ANKRD17: variants seen among roughly 807,000 people sequenced by gnomAD.
The protein encoded by ANKRD17 is ankyrin repeat domain 17, also known as ankyrin repeat domain-containing protein 17.
ANKRD17 carries 19 observed loss-of-function variants against 229.7 expected under a neutral mutation model. The observed-to-expected ratio is 0.08, with a 90% CI of 0.06 to 0.12. ANKRD17 has a LOEUF of 0.12. Ranked by LOEUF, ANKRD17 falls within the 10% of genes least tolerant of loss-of-function variation. The pLI is 1.00. For synonymous variants in ANKRD17, 1,112 were observed against 1,146.1 expected, an observed-to-expected ratio of 0.97 and a Z score of 0.60; for missense variants, 2,176 against 3,176.8, an observed-to-expected ratio of 0.68 and a Z score of 7.57.
At chr4:73,165,486 A>C (rs529645859) in intron 2 of ANKRD17, among the ~76,000 whole-genome samples, 1 of 152,280 alleles carries the variant, frequency 6.6e-6, no homozygotes, top group South Asian at 2.1e-4. Context: ...CCACTGTCAG[A>C]ATTATGGTAG....
intron 2 of ANKRD17, among the ~76,000 whole-genome samples, chr4:73,167,693 A>G (rs1401401415): frequency 6.6e-6 from 1 of 152,180 alleles, no homozygotes; most frequent in Non-Finnish European, 1.5e-5. Context: ...GGAAAATGCT[A>G]AATTAGGTCT....
chr4:73,212,117 T>C (rs1740352330), intron 1 of ANKRD17, among the ~76,000 whole-genome samples: 1 of 152,042 alleles, frequency 6.6e-6, no homozygotes, highest in African/African-American at 2.4e-5. Flanking sequence ...CTAAACACAC[T>C]CCCAAGGTGT....
intron 7 of ANKRD17, among the ~76,000 whole-genome samples, 178 bp downstream of exon 7, chr4:73,151,252 C>T (rs1730969530): frequency 6.6e-6 from 1 of 152,118 alleles, no homozygotes; most frequent in Non-Finnish European, 1.5e-5. Flanking sequence ...TAAGAAAATG[C>T]AGGTAGCATT....
intron 1 of ANKRD17, among the ~76,000 whole-genome samples, chr4:73,201,485 AG>A (rs1264763531): frequency 8.5e-5 from 13 of 152,090 alleles, no homozygotes; most frequent in Non-Finnish European, 1.6e-4. Flanking sequence ...ACAGTGCGTG[AG>A]GAAAAAAAGC....
chr4:73,192,706 T>C (rs1385203626), intron 1 of ANKRD17, among the ~76,000 whole-genome samples: 3 of 152,252 alleles, frequency 2.0e-5, no homozygotes, highest in South Asian at 2.1e-4. Context: ...TCATAACAAT[T>C]TGTATTGTCT....
At chr4:73,112,985 G>A (rs1016004178) in intron 24 of ANKRD17, 10 of 634,768 alleles carry the variant, frequency 1.6e-5, no homozygotes, top group Non-Finnish European at 2.1e-5. Context: ...ACGGTGTTTT[G>A]CCATGTTGGC....
At chr4:73,086,859 C>A (rs1254203569) in intron 29 of ANKRD17, among the ~76,000 whole-genome samples, 1 of 126,632 alleles carries the variant, frequency 7.9e-6, no homozygotes, top group South Asian at 2.6e-4. Flanking sequence ...GATTGTGCCA[C>A]TGCACTCCAG....
intron 2 of ANKRD17, among the ~76,000 whole-genome samples, chr4:73,174,798 A>G (rs989710109): frequency 6.6e-6 from 1 of 152,236 alleles, no homozygotes; most frequent in African/African-American, 2.4e-5. Flanking sequence ...TGAAAAACAA[A>G]TCAAGAAACT....
chr4:73,090,682 C>T lies in ANKRD17; in HGVS notation c.6946G>A (p.Ala2316Thr). ...ATAAACTCACCTGAGGGACTTGGAG[C>T]AGGTCTCTGTAATGGTGGTCTAAAA... The part of the protein sequence containing the change: ...PGFRPPLQRP[A>T]PSPSGIVNMD... Residue 2316 changes from alanine to threonine, a missense_variant, in exon 29 of 34, where the codon GCT (alanine) becomes ACT (threonine). Ala to Thr is a moderately conservative substitution (Grantham distance 58, BLOSUM62 0). Coordinates refer to ENST00000358602, the MANE Select transcript of ANKRD17 (RefSeq NM_032217.5). 6.2e-7 allele frequency: 1 copy of T among 1,614,140 alleles called. No homozygotes were observed.
At chr4:73,216,744 C>T (rs978176959) in intron 1 of ANKRD17, among the ~76,000 whole-genome samples, 6 of 152,184 alleles carry the variant, frequency 3.9e-5, no homozygotes, top group African/African-American at 1.4e-4. Flanking sequence ...GTGCCAATTA[C>T]TGTTGCCACC....
intron 2 of ANKRD17, among the ~76,000 whole-genome samples, chr4:73,170,794 G>C (rs1388154934): frequency 6.6e-6 from 1 of 152,142 alleles, no homozygotes; most frequent in African/African-American, 2.4e-5. Context: ...CTTACCTGTG[G>C]AAAGAGGAAG....
intron 1 of ANKRD17, among the ~76,000 whole-genome samples, chr4:73,209,353 A>C (rs1227910622): frequency 6.6e-6 from 1 of 152,260 alleles, no homozygotes; most frequent in Non-Finnish European, 1.5e-5. Flanking sequence ...GTCATTATCT[A>C]AACAGTATAG....
intron 1 of ANKRD17, among the ~76,000 whole-genome samples, chr4:73,214,786 G>A (rs1284299914): frequency 6.8e-6 from 1 of 147,756 alleles, no homozygotes; most frequent in Non-Finnish European, 1.5e-5. Flanking sequence ...CCTAAAACAG[G>A]ACTGCTTGAA....
At chr4:73,149,457 G>A (rs1164779839) in intron 7 of ANKRD17, among the ~76,000 whole-genome samples, 1 of 152,140 alleles carries the variant, frequency 6.6e-6, no homozygotes, top group Admixed American at 6.6e-5. Flanking sequence ...CTTTTGATTA[G>A]TTAGAAAAAA....
Position 73,091,063 on chromosome 4 carries a change from G to A in ANKRD17, c.6565C>T (p.His2189Tyr). The A allele has an allele frequency of 6.2e-7, 1 of 1,614,254 alleles. No individual in the cohort carries two copies. Among genetic ancestry groups the A allele is most frequent in the East Asian group, 2.2e-5 (1 of 44,892 alleles). ...RPPPHGTTAP[H>Y]KNSASVQNSS... ...TTTTGCACTGAAGCTGAATTCTTGT[G>A]AGGGGCAGTTGTGCCATGAGGGGGT... The change falls in exon 29 of 34, where the codon CAC becomes TAC. Residue 2189 changes from histidine to tyrosine, a missense_variant. By Grantham distance (83) the His-to-Tyr change is moderately conservative. Around this residue, in one of 18 missense-constraint regions of ANKRD17, gnomAD observed 424 missense variants for 454.0 expected, o/e 0.93. Transcript: ENST00000358602.
intron 1 of ANKRD17, among the ~76,000 whole-genome samples, chr4:73,195,848 A>C (rs770841195): frequency 6.6e-6 from 1 of 151,882 alleles, no homozygotes; most frequent in South Asian, 2.1e-4. Context: ...TCTCTAACAG[A>C]TATTAGTCCC....
rs770113873 is a variant in ANKRD17 at position 73,091,373 on chromosome 4, T to C, written c.6255A>G (p.Val2085=). The change falls in exon 29 of 34, where the codon GTA becomes GTG. Residue 2085 remains valine (V), a synonymous_variant. Coordinates refer to ENST00000358602, the MANE Select transcript of ANKRD17 (RefSeq NM_032217.5). ...SEQEAGSPPV[V]ETTNTRPPNS... ...TTGGAGGTCTAGTGTTTGTTGTTTC[T>C]ACTACTGGTGGACTACCTGCTTCCT... 1.9e-6 allele frequency: 3 copies of C among 1,614,060 alleles called. No individual in the cohort carries two copies. The highest frequency in any genetic ancestry group is 3.3e-5 in the Admixed American group (2 of 60,010).
intron 31 of ANKRD17, among the ~76,000 whole-genome samples, chr4:73,078,284 G>A (rs1002828409): frequency 5.3e-5 from 8 of 152,228 alleles, no homozygotes; most frequent in African/African-American, 1.7e-4. Context: ...GGATGAGGCA[G>A]GAGAATGGCA....
chr4:73,131,687 G>C (rs555377751), intron 16 of ANKRD17, among the ~76,000 whole-genome samples: 28 of 152,250 alleles, frequency 1.8e-4, no homozygotes, highest in South Asian at 6.2e-4. Context: ...TCAAAAGTAG[G>C]CTCCACCACT....
Sources: gnomAD v4.1 joint callset for allele counts (sites outside exome capture counted in the v4.1 genomes callset) on GRCh38, gnomAD v4.1.1 for gene constraint, gnomAD v4.1.1 regional missense constraint, MANE v1.5 for transcripts, NCBI Gene and HGNC (gene_info 2026-07-23, HGNC 2026-07-21) for gene names.